Variants in RBPMS observed in about 807,000 individuals in gnomAD.
The protein encoded by RBPMS is RNA-binding protein with multiple splicing.
A neutral mutation model predicts 26.8 loss-of-function variants in RBPMS; 7 were observed. The ratio of observed to expected loss-of-function variants is 0.26; its 90% CI spans 0.15 to 0.49. RBPMS has a LOEUF of 0.49. Among genes scored for constraint, RBPMS ranks in the 20% least tolerant of loss-of-function variants. The pLI is 0.98. For synonymous variants in RBPMS, 96 were observed against 93.3 expected (o/e 1.03, Z -0.17); for missense variants, 186 against 250.0 (o/e 0.74, Z 1.73).
chr8:30,469,835 A>T (rs552994848), intron 1 of RBPMS, among the ~76,000 whole-genome samples: 1 of 152,326 alleles, frequency 6.6e-6, no homozygotes, highest in South Asian at 2.1e-4. Flanking sequence ...ATAAATTTAC[A>T]TGCTGCTTAT....
chr8:30,543,646 G>GA (rs2151045161), intron 5 of RBPMS, among the ~76,000 whole-genome samples: 1 of 152,268 alleles, frequency 6.6e-6, no homozygotes, highest in East Asian at 1.9e-4. Context: ...CCTTTCCTGA[G>GA]AAGCTCCCTC....
chr8:30,420,744 G>A (rs1051126723), intron 1 of RBPMS, among the ~76,000 whole-genome samples: 3 of 152,174 alleles, frequency 2.0e-5, no homozygotes, highest in Non-Finnish European at 2.9e-5. Context: ...GACATTTGCC[G>A]AACTTGAATA....
intron 2 of RBPMS, among the ~76,000 whole-genome samples, chr8:30,475,177 A>AT (rs1817552995): frequency 6.6e-6 from 1 of 152,176 alleles, no homozygotes; most frequent in Non-Finnish European, 1.5e-5. Context: ...AACCACCGTT[A>AT]TTTTTTCCAT....
intron 5 of RBPMS, among the ~76,000 whole-genome samples, chr8:30,531,296 T>A (rs914234830): frequency 2.0e-5 from 3 of 152,300 alleles, no homozygotes; most frequent in East Asian, 1.9e-4. Context: ...AACTCCTTGG[T>A]TCCTGTGTTG....
At chr8:30,556,819 C>T in intron 6 of RBPMS, 2 of 976,460 alleles carry the variant, frequency 2.0e-6, no homozygotes, top group Non-Finnish European at 2.4e-6. Flanking sequence ...TTTCTTCTCC[C>T]CACCTCTGCC....
intron 1 of RBPMS, among the ~76,000 whole-genome samples, chr8:30,456,533 CATACAT>C (rs1369600362): frequency 6.6e-6 from 1 of 152,026 alleles, no homozygotes; most frequent in East Asian, 1.9e-4. Context: ...TGTAGTTTAA[CATACAT>C]ATACAGTCTT....
At chr8:30,454,120 C>T (rs1411275484) in intron 1 of RBPMS, among the ~76,000 whole-genome samples, 1 of 152,108 alleles carries the variant, frequency 6.6e-6, no homozygotes, top group Admixed American at 6.5e-5. Context: ...CTTTTGTTTT[C>T]TTGAACATAC....
intron 4 of RBPMS, among the ~76,000 whole-genome samples, chr8:30,503,800 G>C (rs1009987413): frequency 1.3e-5 from 2 of 152,120 alleles, no homozygotes; most frequent in African/African-American, 4.8e-5. Context: ...GACACGTAGG[G>C]TCCAGAATTC....
At chr8:30,549,650 C>T (rs530626529) in intron 6 of RBPMS, 1 of 1,259,898 alleles carries the variant, frequency 7.9e-7, no homozygotes, top group Non-Finnish European at 1.2e-6. Flanking sequence ...GGAGGCCAGG[C>T]CTCATGCTCA....
chr8:30,562,932 A>G (rs1827618893), intron 7 of RBPMS, among the ~76,000 whole-genome samples: 2 of 152,338 alleles, frequency 1.3e-5, no homozygotes, highest in South Asian at 2.1e-4. Flanking sequence ...AGATATGTAA[A>G]TAAGAACTTT....
chr8:30,440,611 T>C (rs1415320491), intron 1 of RBPMS, among the ~76,000 whole-genome samples: 2 of 152,174 alleles, frequency 1.3e-5, no homozygotes, highest in African/African-American at 2.4e-5. Context: ...TTGTGAATAA[T>C]GCTGCAATGA....
chr8:30,484,713 A>G (rs1263702981), intron 4 of RBPMS, among the ~76,000 whole-genome samples: 2 of 152,226 alleles, frequency 1.3e-5, no homozygotes, highest in Non-Finnish European at 2.9e-5. Flanking sequence ...TTGTAAGAAA[A>G]TATGCTGAGA....
chr8:30,447,795 CTT>C (rs924948875), intron 1 of RBPMS, among the ~76,000 whole-genome samples: 22 of 151,896 alleles, frequency 1.4e-4, no homozygotes, highest in Non-Finnish European at 3.2e-4. Context: ...GAATCTTAGA[CTT>C]TATATCAGTA....
intron 5 of RBPMS, among the ~76,000 whole-genome samples, chr8:30,507,077 C>T (rs989654454): frequency 2.6e-5 from 4 of 152,176 alleles, no homozygotes; most frequent in African/African-American, 7.2e-5. Flanking sequence ...ATTTGCTGAG[C>T]ACCTGCTCTA....
At chr8:30,541,152 TAA>T (rs1461674567) in intron 5 of RBPMS, among the ~76,000 whole-genome samples, 5 of 152,210 alleles carry the variant, frequency 3.3e-5, no homozygotes, top group Non-Finnish European at 7.3e-5. Flanking sequence ...CAGTTGTTTC[TAA>T]GAGTCATTCA....
At chr8:30,427,052 A>C (rs561907768) in intron 1 of RBPMS, among the ~76,000 whole-genome samples, 84 of 152,224 alleles carry the variant, frequency 5.5e-4, no homozygotes, top group Middle Eastern at 3.4e-3. Flanking sequence ...TGGCCTCCCA[A>C]AGTGCTGGGA....
At chr8:30,448,412 A>G (rs1238957317) in intron 1 of RBPMS, among the ~76,000 whole-genome samples, 4 of 152,190 alleles carry the variant, frequency 2.6e-5, no homozygotes, top group African/African-American at 7.2e-5. Context: ...CATTGGCTTC[A>G]AGATGAGCTG....
At chr8:30,549,214 C>G (rs1353948138) in intron 6 of RBPMS, among the ~76,000 whole-genome samples, 1 of 152,190 alleles carries the variant, frequency 6.6e-6, no homozygotes, top group African/African-American at 2.4e-5. Context: ...TCCTGCCTCC[C>G]AAAAGTAAGG....
At position 30,499,870 on chromosome 8, in the gene RBPMS, CTGTGTGTGTGTGTGTG is replaced by C. The variant is rs10543546; in HGVS notation, c.247-4394_247-4379del. On this transcript the variant is annotated intron_variant, in intron 4 of 8. Transcript: ENST00000397323. Reference sequence around the variant, plus strand: ...TTACTTTTAATCAGTTCAGGGGAAACTGTGTGTGTGTGTGTGTGTGTGTGTGTGTGTGTGTGTTTGA... The same window carrying C: ...TTACTTTTAATCAGTTCAGGGGAAACTGTGTGTGTGTGTGTGTGTGTTTGA... Among the ~76,000 whole-genome samples the C allele has an allele frequency of 8.8e-4, 133 of 150,302 alleles. 2 individuals carry two copies. In the East Asian group the frequency reaches 0.02, roughly 22 times the overall value.
Sources: gnomAD v4.1 joint callset for allele counts (sites outside exome capture counted in the v4.1 genomes callset) on GRCh38, gnomAD v4.1.1 for gene constraint, MANE v1.5 for transcripts, NCBI Gene and HGNC (gene_info 2026-07-23, HGNC 2026-07-21) for gene names.